The following SPRED2 variants were observed in gnomAD, a reference collection of about 807,000 sequenced individuals.
The protein encoded by SPRED2 is sprouty related EVH1 domain containing 2.
A neutral mutation model predicts 43.0 loss-of-function variants in SPRED2; 47 were observed. The ratio of observed to expected loss-of-function variants is 1.09; its 90% CI spans 0.87 to 1.40. SPRED2 has a LOEUF of 1.40. Ranked by LOEUF, SPRED2 falls within the 40% of genes most tolerant of loss-of-function variation. The pLI, the probability that SPRED2 is intolerant of heterozygous loss-of-function variation, is 0.00. For synonymous variants in SPRED2, 225 were observed against 225.7 expected, an observed-to-expected ratio of 1.00 and a Z score of 0.03; for missense variants, 561 against 586.4, an observed-to-expected ratio of 0.96 and a Z score of 0.45.
chr2:65,401,490 GT>G (rs1271568006), intron 1 of SPRED2, among the ~76,000 whole-genome samples: 120 of 151,702 alleles, frequency 7.9e-4, no homozygotes, highest in Non-Finnish European at 1.3e-3. Flanking sequence ...AGACTTATAA[GT>G]AGTGAGAGCT....
At chr2:65,430,991 G>A (rs1411834810) in intron 1 of SPRED2, among the ~76,000 whole-genome samples, 2 of 152,116 alleles carry the variant, frequency 1.3e-5, no homozygotes, top group South Asian at 4.2e-4. Context: ...CGCCCCCGTC[G>A]CACCCGAGAC....
chr2:65,411,794 G>A (rs1676165772), intron 1 of SPRED2, among the ~76,000 whole-genome samples: 1 of 152,126 alleles, frequency 6.6e-6, no homozygotes, highest in Admixed American at 6.5e-5. Flanking sequence ...GCACAGAGGT[G>A]GCCTTTAGGA....
At chr2:65,430,675 G>C (rs1469499793) in intron 1 of SPRED2, among the ~76,000 whole-genome samples, 3 of 152,100 alleles carry the variant, frequency 2.0e-5, no homozygotes, top group Non-Finnish European at 4.4e-5. Context: ...CTGCAAAGAC[G>C]CGCGCGGGGC....
chr2:65,322,248 C>A (rs1306311121), intron 4 of SPRED2, among the ~76,000 whole-genome samples: 4 of 73,752 alleles, frequency 5.4e-5, no homozygotes, highest in African/African-American at 2.6e-4. Flanking sequence ...CTCTCTCTCT[C>A]TCTCTCTCTC....
At chr2:65,337,373 G>A (rs1010063201) in intron 2 of SPRED2, among the ~76,000 whole-genome samples, 1 of 151,760 alleles carries the variant, frequency 6.6e-6, no homozygotes, top group Non-Finnish European at 1.5e-5. Context: ...AGATGCATAC[G>A]GAGAAAAAAA....
rs183051286 is a variant in SPRED2, at chr2:65,392,052, T to C, written c.26+39910A>G. Among the ~76,000 whole-genome samples the C allele has an allele frequency of 8.3e-4, 126 of 152,274 alleles. 1 individual carries two copies. The highest frequency in any genetic ancestry group is 2.1e-4 in the South Asian group (1 of 4,828). On this transcript the variant is annotated intron_variant, in intron 1 of 5. Coordinates refer to ENST00000356388, the MANE Select transcript of SPRED2 (RefSeq NM_181784.3). ...TTTTTATAATCTCCTGAACTCTTCA[T>C]AGTTTTATATTAACTCATAATGGAG...
intron 1 of SPRED2, among the ~76,000 whole-genome samples, chr2:65,390,180 C>T (rs777478210): frequency 2.9e-4 from 44 of 152,120 alleles, no homozygotes; most frequent in Admixed American, 7.9e-4. Flanking sequence ...ATGAGCCAGA[C>T]CTGGCAAAAT....
At chr2:65,402,296 A>C (rs1366911580) in intron 1 of SPRED2, among the ~76,000 whole-genome samples, 4 of 151,360 alleles carry the variant, frequency 2.6e-5, no homozygotes, top group South Asian at 4.2e-4. Flanking sequence ...AAAAAAAAAA[A>C]AAAAAAAAAC....
chr2:65,331,986 C>G lies in SPRED2; in HGVS notation c.438+1G>C. 1 of 1,604,864 alleles carries G rather than the reference C, an allele frequency of 6.2e-7. No individual in the cohort carries two copies. Among genetic ancestry groups the G allele is most frequent in the Non-Finnish European group, 8.5e-7 (1 of 1,174,332 alleles). ...GAAAGCAAAGGACAAAGGAAACTTA[C>G]TGTAAAAACGTCATCATCGCCAAGC... On this transcript the variant is annotated splice_donor_variant, in intron 4 of 5. Transcript: ENST00000356388. LOFTEE classifies it high-confidence loss of function.
intron 1 of SPRED2, among the ~76,000 whole-genome samples, chr2:65,375,182 A>T (rs543162324): frequency 6.6e-6 from 1 of 152,374 alleles, no homozygotes; most frequent in East Asian, 1.9e-4. Context: ...ATGTGCCTCA[A>T]GCATTTAAAG....
intron 4 of SPRED2, among the ~76,000 whole-genome samples, chr2:65,319,328 C>T (rs777619523): frequency 6.6e-6 from 1 of 152,110 alleles, no homozygotes. Context: ...TTTGACAGAG[C>T]GGTCAGAAAA....
chr2:65,429,061 C>G (rs1415535647), intron 1 of SPRED2, among the ~76,000 whole-genome samples: 1 of 152,118 alleles, frequency 6.6e-6, no homozygotes, highest in African/African-American at 2.4e-5. Context: ...GGACCATTAT[C>G]AACAAGAGCA....
intron 1 of SPRED2, among the ~76,000 whole-genome samples, chr2:65,382,827 C>T (rs1444535810): frequency 6.6e-6 from 1 of 152,152 alleles, no homozygotes; most frequent in African/African-American, 2.4e-5. Context: ...GGTTCAACAG[C>T]CCAGGTGGCA....
intron 4 of SPRED2, among the ~76,000 whole-genome samples, chr2:65,330,356 G>C (rs537835661): frequency 2.0e-4 from 31 of 152,338 alleles, no homozygotes; most frequent in African/African-American, 7.2e-4. Context: ...GACAACTGGG[G>C]AACTATGAAG....
intron 1 of SPRED2, among the ~76,000 whole-genome samples, chr2:65,399,004 C>T (rs1357795391): frequency 3.3e-5 from 5 of 152,276 alleles, no homozygotes; most frequent in South Asian, 2.1e-4. Context: ...TATAGCTGGG[C>T]GCGGTGGCTC....
intron 1 of SPRED2, among the ~76,000 whole-genome samples, chr2:65,382,214 C>G (rs1424525684): frequency 6.6e-6 from 1 of 152,090 alleles, no homozygotes; most frequent in Non-Finnish European, 1.5e-5. Flanking sequence ...GACACCATCA[C>G]CTCCACAGGT....
intron 1 of SPRED2, among the ~76,000 whole-genome samples, chr2:65,400,348 T>C (rs1675856220): frequency 6.6e-6 from 1 of 152,260 alleles, no homozygotes; most frequent in African/African-American, 2.4e-5. Context: ...TTACTTTTGC[T>C]TAGTTTTCTA....
At chr2:65,389,763 G>A (rs1380704331) in intron 1 of SPRED2, among the ~76,000 whole-genome samples, 1 of 152,198 alleles carries the variant, frequency 6.6e-6, no homozygotes, top group Non-Finnish European at 1.5e-5. Context: ...AAATGGAGTT[G>A]CTCTAACTTG....
chr2:65,313,758 T>C lies in SPRED2; in HGVS notation c.1000A>G (p.Arg334Gly), dbSNP rs1673142187. ...GHCQDAPDSV[R>G]TCIRRVSCMW... Reference sequence around the variant, plus strand: ...CAGCTCACCCGGCGGATGCAAGTTCTCACGGAGTCGGGCGCGTCCTGGCAG... The same window carrying C: ...CAGCTCACCCGGCGGATGCAAGTTCCCACGGAGTCGGGCGCGTCCTGGCAG... The change falls in exon 6 of 6, where the codon AGA becomes GGA. Residue 334 changes from arginine (R) to glycine (G), a missense_variant. Arg to Gly is a moderately radical substitution (Grantham distance 125). This residue lies in a region of SPRED2 where 164 missense variants were observed against 164.1 expected (regional missense o/e 1.00). Coordinates refer to ENST00000356388, the MANE Select transcript of SPRED2 (RefSeq NM_181784.3). 1.2e-6 allele frequency: 2 copies of C among 1,614,208 alleles called. No individual in the cohort carries two copies. The highest frequency in any genetic ancestry group is 2.2e-5 in the East Asian group (1 of 44,876).
Sources: gnomAD v4.1 joint callset for allele counts (sites outside exome capture counted in the v4.1 genomes callset) on GRCh38, gnomAD v4.1.1 for gene constraint, gnomAD v4.1.1 regional missense constraint, MANE v1.5 for transcripts, NCBI Gene and HGNC (gene_info 2026-07-23, HGNC 2026-07-21) for gene names.